Variants in ZNF285 observed in about 807,000 individuals in gnomAD.
ZNF285 encodes the protein zinc finger protein 285.
In ZNF285, 4 loss-of-function variants were observed where a neutral mutation model predicts 6.2. That is an observed-to-expected ratio of 0.65 (90% CI 0.32 to 1.49). The LOEUF (loss-of-function observed/expected upper bound fraction) is 1.49. Ranked by LOEUF, ZNF285 falls within the 40% of genes most tolerant of loss-of-function variation. The pLI is 0.07. For missense variants in ZNF285, 695 were observed against 708.8 expected (o/e 0.98, Z 0.22); for synonymous variants, 240 against 245.8 (o/e 0.98, Z 0.22).
Position 44,386,985 on chromosome 19 carries a change from C to A in ZNF285, c.1260G>T (p.Arg420Ser). Residue 420 changes from arginine to serine, a missense_variant, in exon 4 of 4, where the codon AGG becomes AGT. Physicochemically the swap from Arg to Ser is moderately radical, Grantham distance 110 (BLOSUM62 -1). Coordinates refer to ENST00000614994, the MANE Select transcript of ZNF285 (RefSeq NM_152354.6). ...TATATGGTTTCTCCCCTGTGTGAAA[C>A]CTCCAGTGGACTTGAAGAACGGAGC... ...SSSSVLQVHW[R>S]FHTGEKPYRC... 6.2e-7 allele frequency: 1 copy of A among 1,613,958 alleles called. No individual in the cohort carries two copies. Among genetic ancestry groups the A allele is most frequent in the Non-Finnish European group, 8.5e-7 (1 of 1,179,988 alleles).
Position 44,385,102 on chromosome 19 carries a change from T to A in ZNF285, c.*1370A>T, listed in dbSNP as rs73039934. 6.7e-6 allele frequency: 1 copy of A among 150,044 alleles called. No individual in the cohort carries two copies. Among genetic ancestry groups the A allele is most frequent in the Non-Finnish European group, 1.5e-5 (1 of 67,660 alleles). 9.3% of individuals were successfully genotyped at this position (150,044 alleles called of 1,614,324 possible). On this transcript the variant is annotated 3_prime_UTR_variant, in exon 4 of 4. Coordinates refer to ENST00000614994, the MANE Select transcript of ZNF285 (RefSeq NM_152354.6). ...TGGGGGGAAACTGACAGAAAGAGCA[T>A]CCTTTAAAAACCCATTATTATACAG...
rs56735186 is a variant in ZNF285, at chr19:44,385,000, C to CAAAAAAAAA, written c.*1463_*1471dup. ...GGGTGACACAGCAAGACCCTGTTTC[C>CAAAAAAAAA]AAAAAAAAAAAAAAAAAAAAAAAGC... is the stretch of plus-strand genomic sequence containing the variant. On this transcript the variant is annotated 3_prime_UTR_variant, in exon 4 of 4. Coordinates refer to ENST00000614994, the MANE Select transcript of ZNF285 (RefSeq NM_152354.6). The CAAAAAAAAA allele has an allele frequency of 2.2e-4, 14 of 64,388 alleles. No homozygotes were observed. The highest frequency in any genetic ancestry group is 7.3e-4 in the South Asian group (1 of 1,368). The allele number at this position is 64,388 out of a possible 1,614,324, so 4.0% of individuals were successfully genotyped here.
Position 44,386,890 on chromosome 19 carries a change from C to T in ZNF285, c.1355G>A (p.Gly452Glu). 3 of 1,614,212 alleles carry T rather than the reference C, an allele frequency of 1.9e-6. No individual in the cohort carries two copies. The highest frequency in any genetic ancestry group is 1.7e-6 in the Non-Finnish European group (2 of 1,180,030). The change falls in exon 4 of 4, where the codon GGG (glycine) becomes GAG (glutamate). Residue 452 changes from glycine (G) to glutamate (E), a missense_variant. Gly to Glu is a moderately conservative substitution (Grantham distance 98). Transcript: ENST00000614994. ...HLHIHQRVHT[G>E]EKPYKCNVCG... Reference sequence around the variant, plus strand: ...CACATTGCATTTGTATGGTTTCTCCCCTGTGTGGACTCTCTGGTGAATGTG... The same window carrying T: ...CACATTGCATTTGTATGGTTTCTCCTCTGTGTGGACTCTCTGGTGAATGTG...
At chr19:44,395,215 T>C (rs1002044741) in intron 2 of ZNF285, among the ~76,000 whole-genome samples, 1 of 152,222 alleles carries the variant, frequency 6.6e-6, no homozygotes, top group Non-Finnish European at 1.5e-5. Context: ...TCTTTTCCTC[T>C]ATGAAGTATT....
intron 3 of ZNF285, 98 bp from the exon 4 acceptor site, chr19:44,388,200 G>A: frequency 1.8e-6 from 2 of 1,142,486 alleles, no homozygotes; most frequent in East Asian, 4.8e-5. Context: ...GTTGTCCCTG[G>A]GTTCTATTGA....
rs1213429368 is a variant in ZNF285 at position 44,386,892 on chromosome 19, T to A, written c.1353A>T (p.Thr451=). The A allele has an allele frequency of 6.2e-7, 1 of 1,614,102 alleles. No individual in the cohort carries two copies. The highest frequency in any genetic ancestry group is 1.7e-5 in the Admixed American group (1 of 60,026). The change falls in exon 4 of 4, where the codon ACA becomes ACT. Residue 451 remains threonine (T), a synonymous_variant. Coordinates refer to ENST00000614994, the MANE Select transcript of ZNF285 (RefSeq NM_152354.6). ...THLHIHQRVH[T]GEKPYKCNVC... The stretch of plus-strand genomic sequence containing the variant: ...CATTGCATTTGTATGGTTTCTCCCC[T>A]GTGTGGACTCTCTGGTGAATGTGAA...
chr19:44,388,132 G>C, intron 3 of ZNF285, 30 bp from the exon 4 acceptor site: 2 of 1,589,410 alleles, frequency 1.3e-6, no homozygotes, highest in Middle Eastern at 3.4e-4. Context: ...TTGGCTAAGA[G>C]AACAAGTCAA....
intron 2 of ZNF285, among the ~76,000 whole-genome samples, chr19:44,395,317 A>G (rs1971262430): frequency 6.6e-6 from 1 of 152,200 alleles, no homozygotes; most frequent in Non-Finnish European, 1.5e-5. Flanking sequence ...ACACTGAAAG[A>G]CACCAAAAGG....
rs1432941696 is a variant in ZNF285, at chr19:44,387,318, G to C, written c.927C>G (p.Val309=). 1.2e-6 allele frequency: 2 copies of C among 1,614,170 alleles called. No individual in the cohort carries two copies. The highest frequency in any genetic ancestry group is 1.1e-5 in the South Asian group (1 of 91,088). Residue 309 remains valine, a synonymous_variant, in exon 4 of 4, where the codon GTC becomes GTG. Transcript: ENST00000614994. ...QSSDLPRYQK[V]SSGDKPYKCK... ...ATTTGTAGGGTTTGTCTCCTGAGGAGACTTTCTGATATCTGGGAAGGTCTG... is the reference window on the plus strand; with the variant it reads ...ATTTGTAGGGTTTGTCTCCTGAGGACACTTTCTGATATCTGGGAAGGTCTG...
Position 44,387,751 on chromosome 19 carries a change from C to G in ZNF285, c.494G>C (p.Arg165Thr). 6.2e-7 allele frequency: 1 copy of G among 1,613,894 alleles called. No individual in the cohort carries two copies. Among genetic ancestry groups the G allele is most frequent in the Non-Finnish European group, 8.5e-7 (1 of 1,179,864 alleles). Residue 165 changes from arginine to threonine, a missense_variant, in exon 4 of 4, where the codon AGA (arginine) becomes ACA (threonine). Coordinates refer to ENST00000614994, the MANE Select transcript of ZNF285 (RefSeq NM_152354.6). ...IMTEPQNSQG[R>T]YKGIYMEEKL... ...CTCTTCCATGTAAATTCCCTTATAT[C>G]TTCCCTGAGAGTTCTGGGGCTCGGT...
intron 3 of ZNF285, among the ~76,000 whole-genome samples, chr19:44,388,460 T>C (rs2722640): frequency 0.16 from 23,790 of 149,034 alleles, 3,511 homozygotes; most frequent in African/African-American, 0.37. Context: ...TGATCCCAGC[T>C]ACTTGGAAAT....
rs2123262568 is a variant in ZNF285, at chr19:44,387,544, C to T, written c.701G>A (p.Cys234Tyr). The change falls in exon 4 of 4, where the codon TGT becomes TAT. Residue 234 changes from cysteine (C) to tyrosine (Y), a missense_variant. By Grantham distance (194) the Cys-to-Tyr change is radical. Coordinates refer to ENST00000614994, the MANE Select transcript of ZNF285 (RefSeq NM_152354.6). ...TGCAAAGGCCACCCCACAGTTATTA[C>T]ATGGGAAAGGCTGTGGTAATACATG... Reference protein sequence around the residue: ...AAHVLPQPFPCNNCGVAFADD... With the variant: ...AAHVLPQPFPYNNCGVAFADD... 1 of 1,613,966 alleles carries T rather than the reference C, an allele frequency of 6.2e-7. No homozygotes were observed. Among genetic ancestry groups the T allele is most frequent in the East Asian group, 2.2e-5 (1 of 44,886 alleles).
intron 1 of ZNF285, among the ~76,000 whole-genome samples, chr19:44,398,567 A>AT (rs1971323062): frequency 6.6e-6 from 1 of 152,198 alleles, no homozygotes; most frequent in Non-Finnish European, 1.5e-5. Context: ...TTAGCCCTTC[A>AT]GTCCTAAAGT....
At chr19:44,399,249 ACTT>A (rs1379577110) in intron 1 of ZNF285, among the ~76,000 whole-genome samples, 1 of 146,360 alleles carries the variant, frequency 6.8e-6, no homozygotes, top group Non-Finnish European at 1.5e-5. Context: ...ATCATTAATC[ACTT>A]CTTATTTTGG....
rs1450365635 is a variant in ZNF285 at position 44,395,406 on chromosome 19, G to C, written c.15+1793C>G. Reference sequence around the variant, plus strand: ...TTTCTGCAACAAGTCAATAGCAGGAGAGAATAAAGTAGAGGGGCAGATTTC... The same window carrying C: ...TTTCTGCAACAAGTCAATAGCAGGACAGAATAAAGTAGAGGGGCAGATTTC... On this transcript the variant is annotated intron_variant, in intron 2 of 3. Coordinates refer to ENST00000614994, the MANE Select transcript of ZNF285 (RefSeq NM_152354.6). Among the ~76,000 whole-genome samples the C allele has an allele frequency of 3.9e-5, 6 of 152,252 alleles. No homozygotes were observed. In the South Asian group the frequency reaches 8.3e-4, roughly 21 times the overall value.
intron 2 of ZNF285, among the ~76,000 whole-genome samples, chr19:44,392,838 G>A (rs1299495529): frequency 6.6e-6 from 1 of 152,152 alleles, no homozygotes; most frequent in African/African-American, 2.4e-5. Context: ...ATACTAAGGT[G>A]TTGTGCTGAT....
In ZNF285 at chr19:44,392,389, G is replaced by T. The variant is rs73560639; in HGVS notation, c.93C>A (p.Asn31Lys). ...ELALLDKAQI[N>K]LYQDVMLENF... is the part of the protein sequence containing the mutation. Reference sequence around the variant, plus strand: ...TTTCCAGCATCACATCTTGGTACAGGTTTATCTGGGCTTTATCCAATAGTG... The same window carrying T: ...TTTCCAGCATCACATCTTGGTACAGTTTTATCTGGGCTTTATCCAATAGTG... The change falls in exon 3 of 4, where the codon AAC (asparagine) becomes AAA (lysine). Residue 31 changes from asparagine to lysine, a missense_variant. Physicochemically the swap from Asn to Lys is moderately conservative, Grantham distance 94. Transcript: ENST00000614994. 3,993 of 1,613,762 alleles carry T rather than the reference G, an allele frequency of 2.5e-3. 121 individuals carry two copies. The African/African-American group carries it at 0.047, about 19-fold the overall frequency.
intron 1 of ZNF285, among the ~76,000 whole-genome samples, chr19:44,398,041 C>T (rs1195832963): frequency 2.0e-5 from 3 of 152,040 alleles, no homozygotes; most frequent in Non-Finnish European, 4.4e-5. Context: ...AAATTAAATC[C>T]CAATTTTTAT....
intron 2 of ZNF285, among the ~76,000 whole-genome samples, chr19:44,395,918 TG>T (rs1971272928): frequency 6.6e-6 from 1 of 152,106 alleles, no homozygotes; most frequent in South Asian, 2.1e-4. Context: ...TCCATGGCAT[TG>T]GCTTTAGGTC....
Sources: gnomAD v4.1 joint callset for allele counts (sites outside exome capture counted in the v4.1 genomes callset) on GRCh38, gnomAD v4.1.1 for gene constraint, MANE v1.5 for transcripts, NCBI Gene and HGNC (gene_info 2026-07-23, HGNC 2026-07-21) for gene names.